SNX14: variants seen among roughly 807,000 people sequenced by gnomAD.
SNX14 encodes sorting nexin 14.
In SNX14, 93 loss-of-function variants were observed where a neutral mutation model predicts 133.8. That is an observed-to-expected ratio of 0.70 (90% CI 0.59 to 0.83). The LOEUF is 0.83. Ranked by LOEUF, SNX14 falls within the 40% of genes least tolerant of loss-of-function variation. SNX14 has a pLI of 0.00. For synonymous variants in SNX14, 368 were observed against 365.6 expected, an observed-to-expected ratio of 1.01 and a Z score of -0.07; for missense variants, 945 against 1,094.9, an observed-to-expected ratio of 0.86 and a Z score of 1.93.
chr6:85,546,910 A>G (rs1441495030), intron 12 of SNX14, among the ~76,000 whole-genome samples: 2 of 151,440 alleles, frequency 1.3e-5, no homozygotes, highest in East Asian at 3.9e-4. Context: ...GCAGTGAGCC[A>G]AGATCACACC....
intron 21 of SNX14, among the ~76,000 whole-genome samples, chr6:85,520,748 C>A (rs73481340): frequency 0.016 from 2,425 of 152,236 alleles, 71 homozygotes; most frequent in African/African-American, 0.055. Flanking sequence ...TGTATATATT[C>A]TTTCATGTTT....
At position 85,593,687 on chromosome 6, in the gene SNX14, T is replaced by C. The variant is rs767695765; in HGVS notation, c.32A>G (p.Lys11Arg). 10 of 1,613,490 alleles carry C rather than the reference T, an allele frequency of 6.2e-6. No individual in the cohort carries two copies. The highest frequency in any genetic ancestry group is 1.3e-5 in the African/African-American group (1 of 74,920). The change falls in exon 1 of 29, where the codon AAG becomes AGG. Residue 11 changes from lysine (K) to arginine (R), a missense_variant. This residue lies in a region of SNX14 where 514 missense variants were observed against 538.8 expected (regional missense o/e 0.95). Coordinates refer to ENST00000314673, the MANE Select transcript of SNX14 (RefSeq NM_153816.6). The part of the protein sequence containing the change: MVPWVRTMGQ[K>R]LKQRLRLDVG... ...GTCCAGTCGCAGCCGCTGCTTCAGC[T>C]TCTGCCCCATCGTCCGCACCCAGGG...
At chr6:85,547,257 T>C in intron 11 of SNX14, 31 bp from the exon 12 acceptor site, 1 of 1,610,366 alleles carries the variant, frequency 6.2e-7, no homozygotes, top group Non-Finnish European at 8.5e-7. Context: ...AAGTTTAAGC[T>C]ATATAAATGA....
intron 4 of SNX14, 122 bp from the exon 5 acceptor site, chr6:85,567,699 T>C (rs1055698804): frequency 1.3e-5 from 8 of 592,686 alleles, no homozygotes; most frequent in Admixed American, 1.3e-4. Flanking sequence ...ATAGTGACAG[T>C]AGGCGGTGAG....
intron 18 of SNX14, among the ~76,000 whole-genome samples, chr6:85,530,656 A>AG (rs1779988016): frequency 6.6e-6 from 1 of 151,876 alleles, no homozygotes; most frequent in Admixed American, 6.6e-5. Flanking sequence ...AAAAAAAAAA[A>AG]AAAGAAAGAA....
At chr6:85,523,750 G>A (rs932831925) in intron 21 of SNX14, among the ~76,000 whole-genome samples, 10 of 151,948 alleles carry the variant, frequency 6.6e-5, no homozygotes, top group African/African-American at 2.4e-4. Context: ...GGGTGACAGA[G>A]AGACTCCATC....
intron 1 of SNX14, among the ~76,000 whole-genome samples, chr6:85,586,221 G>A (rs1010377284): frequency 1.3e-5 from 2 of 152,130 alleles, no homozygotes; most frequent in Non-Finnish European, 2.9e-5. Flanking sequence ...GTGGACAAAA[G>A]TATACCTGTT....
chr6:85,556,462 T>C (rs1478363941), intron 7 of SNX14, among the ~76,000 whole-genome samples: 1 of 142,670 alleles, frequency 7.0e-6, no homozygotes, highest in Non-Finnish European at 1.5e-5. Context: ...TCAAACTCTT[T>C]CACATTCATC....
At chr6:85,513,933 A>G (rs769220338) in intron 25 of SNX14, 38 bp from the exon 26 acceptor site, 2 of 1,578,932 alleles carry the variant, frequency 1.3e-6, no homozygotes, top group South Asian at 2.3e-5. Context: ...TGGAATTTTC[A>G]TCTATTTATA....
At chr6:85,542,548 C>A (rs1784103148) in intron 14 of SNX14, among the ~76,000 whole-genome samples, 1 of 152,058 alleles carries the variant, frequency 6.6e-6, no homozygotes, top group Non-Finnish European at 1.5e-5. Flanking sequence ...GTGCCCGCCA[C>A]CACGCCCAGC....
chr6:85,549,402 G>A (rs1786963597), intron 8 of SNX14, among the ~76,000 whole-genome samples: 1 of 152,054 alleles, frequency 6.6e-6, no homozygotes, highest in African/African-American at 2.4e-5. Context: ...TAGTTATAAT[G>A]TGCATGTCTT....
At chr6:85,525,092 A>C (rs1778132876) in intron 21 of SNX14, among the ~76,000 whole-genome samples, 1 of 152,214 alleles carries the variant, frequency 6.6e-6, no homozygotes, top group Non-Finnish European at 1.5e-5. Context: ...TTAAGTGCTC[A>C]AGTATTACAA....
chr6:85,551,369 T>A (rs949704127), intron 7 of SNX14, among the ~76,000 whole-genome samples: 3 of 152,144 alleles, frequency 2.0e-5, no homozygotes, highest in African/African-American at 7.2e-5. Context: ...TCCCTCCCAC[T>A]AGAAGCCATT....
At chr6:85,582,130 T>G (rs1031802598) in intron 1 of SNX14, among the ~76,000 whole-genome samples, 31 of 151,954 alleles carry the variant, frequency 2.0e-4, no homozygotes, top group African/African-American at 6.8e-4. Flanking sequence ...ACAATGGAGC[T>G]CCAACGCATC....
chr6:85,573,114 TC>T (rs750898493), intron 2 of SNX14, among the ~76,000 whole-genome samples: 4 of 152,212 alleles, frequency 2.6e-5, no homozygotes, highest in Non-Finnish European at 4.4e-5. Context: ...CAGTTGTGTT[TC>T]CTCTGAGTAG....
intron 23 of SNX14, among the ~76,000 whole-genome samples, chr6:85,516,791 C>A (rs1377621336): frequency 1.3e-5 from 2 of 152,070 alleles, no homozygotes; most frequent in South Asian, 4.2e-4. Flanking sequence ...GCACCCACCA[C>A]CACGCTTGAC....
intron 2 of SNX14, among the ~76,000 whole-genome samples, chr6:85,573,629 A>C (rs894411680): frequency 2.0e-5 from 3 of 152,232 alleles, no homozygotes; most frequent in Admixed American, 6.5e-5. Flanking sequence ...GCCTAATTAT[A>C]TCTCTGTTTC....
chr6:85,518,248 A>T (rs1349579927), intron 21 of SNX14, among the ~76,000 whole-genome samples, 200 bp from the exon 22 acceptor site: 1 of 152,152 alleles, frequency 6.6e-6, no homozygotes, highest in African/African-American at 2.4e-5. Context: ...AATATTTGGG[A>T]TTTACTTTAA....
At chr6:85,517,969 A>G (rs781489832) in intron 22 of SNX14, 39 bp downstream of exon 22, 3 of 1,584,544 alleles carry the variant, frequency 1.9e-6, no homozygotes, top group South Asian at 1.2e-5. Flanking sequence ...TATGTTTATG[A>G]TTATCATGTT....
Sources: allele counts gnomAD v4.1 joint callset (sites outside exome capture counted in the v4.1 genomes callset), GRCh38; gene constraint gnomAD v4.1.1; regional missense constraint gnomAD v4.1.1; transcripts MANE v1.5; gene names NCBI Gene and HGNC (gene_info 2026-07-23, HGNC 2026-07-21).